HSP90AA1: variants seen among roughly 807,000 people sequenced by gnomAD.
HSP90AA1 encodes heat shock protein HSP 90-alpha.
Under a neutral mutation model 73.3 loss-of-function variants are expected in HSP90AA1, and 18 were observed. That is an observed-to-expected ratio of 0.25 (90% CI 0.17 to 0.36). The LOEUF is 0.36. Ranked by LOEUF, HSP90AA1 falls within the 10% of genes least tolerant of loss-of-function variation. HSP90AA1 has a pLI of 1.00. For synonymous variants in HSP90AA1, 477 were observed against 296.9 expected, an observed-to-expected ratio of 1.61 and a Z score of -6.24; for missense variants, 704 against 874.2, an observed-to-expected ratio of 0.81 and a Z score of 2.45.
intron 1 of HSP90AA1, among the ~76,000 whole-genome samples, chr14:102,118,638 G>A (rs915999817): frequency 6.6e-6 from 1 of 151,866 alleles, no homozygotes; most frequent in Non-Finnish European, 1.5e-5. Context: ...TTTACCTACA[G>A]ATTTTAAATA....
chr14:102,085,145 T>TA (rs917133030), intron 4 of HSP90AA1, 147 bp from the exon 5 acceptor site: 22 of 1,475,146 alleles, frequency 1.5e-5, no homozygotes, highest in Non-Finnish European at 2.1e-5. Flanking sequence ...TACATCCACT[T>TA]AATAGCCCGA....
At chr14:102,116,230 G>GC (rs2049705232) in intron 1 of HSP90AA1, among the ~76,000 whole-genome samples, 1 of 151,618 alleles carries the variant, frequency 6.6e-6, no homozygotes, top group Non-Finnish European at 1.5e-5. Flanking sequence ...TGGGATTAGA[G>GC]GCATGAGCCA....
At chr14:102,134,763 G>C (rs1175053554) in intron 1 of HSP90AA1, among the ~76,000 whole-genome samples, 1 of 152,158 alleles carries the variant, frequency 6.6e-6, no homozygotes. Flanking sequence ...CCCAAAGAGT[G>C]AGCAGTAGCA....
chr14:102,103,609 G>C (rs1270714017), intron 1 of HSP90AA1, among the ~76,000 whole-genome samples: 1 of 152,000 alleles, frequency 6.6e-6, no homozygotes, highest in Non-Finnish European at 1.5e-5. Context: ...TTCGAGACCA[G>C]TCTGGCCAAC....
At chr14:102,102,370 C>T (rs186388248) in intron 1 of HSP90AA1, among the ~76,000 whole-genome samples, 9 of 152,316 alleles carry the variant, frequency 5.9e-5, no homozygotes, top group Admixed American at 5.2e-4. Flanking sequence ...TGCTCTTGGA[C>T]TGGGCTAGAG....
Position 102,085,287 on chromosome 14 carries a change from T to TA in HSP90AA1, c.663+10dup. ...GACAGAAATTCACTCTGCAATTACA[T>TA]AAAAACTTACAAAAAGAGTAATGGG... On this transcript the variant is annotated intron_variant, in intron 4 of 10. Coordinates refer to ENST00000216281, the MANE Select transcript of HSP90AA1 (RefSeq NM_005348.4). The TA allele has an allele frequency of 6.2e-7, 1 of 1,609,902 alleles. No individual in the cohort carries two copies. The highest frequency in any genetic ancestry group is 8.5e-7 in the Non-Finnish European group (1 of 1,177,210).
upstream of HSP90AA1, among the ~76,000 whole-genome samples, chr14:102,090,472 CG>C (rs11331617): frequency 0.68 from 101,148 of 149,320 alleles, 36,635 homozygotes; most frequent in Non-Finnish European, 0.8. Flanking sequence ...TTTTTTGAGA[CG>C]GAGTCTTGCT....
In HSP90AA1 at chr14:102,083,587, G is replaced by A; in HGVS notation, c.1445C>T (p.Thr482Ile). 6.2e-7 allele frequency: 1 copy of A among 1,613,642 alleles called. No homozygotes were observed. Residue 482 changes from threonine to isoleucine, a missense_variant, in exon 8 of 11, where the codon ACC (threonine) becomes ATC (isoleucine). By Grantham distance (89) the Thr-to-Ile change is moderately conservative. Transcript: ENST00000216281. ...ATGTTTCTGGTTCTCCTTCATTCTG[G>A]TGCAGTAGTCCTTGAGAGAAACCAT... ...DEMVSLKDYCTRMKENQKHIY... is the reference protein window; with the variant it reads ...DEMVSLKDYCIRMKENQKHIY...
At position 102,081,678 on chromosome 14, in the gene HSP90AA1, G is replaced by T; in HGVS notation, c.*34C>A. 1 of 866,588 alleles carries T rather than the reference G, an allele frequency of 1.2e-6. No individual in the cohort carries two copies. The highest frequency in any genetic ancestry group is 2.0e-6 in the Non-Finnish European group (1 of 496,694). The allele number at this position is 866,588 out of a possible 1,614,324, so 53.7% of individuals were successfully genotyped here. A position where few individuals can be genotyped will look rare whatever the true frequency, so the allele number is the denominator to read the frequency against. Reference sequence around the variant, plus strand: ...AATATATTATCAGAGGAATTGTAGAGTACTGAACAGGTAAGTCATCCCTCA... The same window carrying T: ...AATATATTATCAGAGGAATTGTAGATTACTGAACAGGTAAGTCATCCCTCA... On this transcript the variant is annotated 3_prime_UTR_variant, in exon 11 of 11. Coordinates refer to ENST00000216281, the MANE Select transcript of HSP90AA1 (RefSeq NM_005348.4).
At chr14:102,101,866 T>A in intron 2 of HSP90AA1, 1 of 1,601,422 alleles carries the variant, frequency 6.2e-7, no homozygotes, top group South Asian at 1.1e-5. Context: ...TAAACCTTAG[T>A]CCACTTACCA....
chr14:102,091,856 G>A (rs973372677), upstream of HSP90AA1, among the ~76,000 whole-genome samples: 2 of 151,964 alleles, frequency 1.3e-5, no homozygotes, highest in Non-Finnish European at 1.5e-5. Context: ...TGAACTCCTG[G>A]ACTTAAGGAG....
intron 3 of HSP90AA1, 129 bp downstream of exon 3, chr14:102,085,629 G>T: frequency 7.1e-7 from 1 of 1,413,448 alleles, no homozygotes; most frequent in Non-Finnish European, 9.9e-7. Flanking sequence ...CTAATTAAGT[G>T]CTCTAGCTTG....
intron 1 of HSP90AA1, among the ~76,000 whole-genome samples, chr14:102,112,940 G>A (rs2049659833): frequency 6.6e-6 from 1 of 152,118 alleles, no homozygotes. Flanking sequence ...ATTAGCACTT[G>A]TTGTAAATTC....
intron 6 of HSP90AA1, 143 bp downstream of exon 6, chr14:102,084,256 G>A (rs182839622): frequency 9.1e-6 from 7 of 773,006 alleles, no homozygotes; most frequent in East Asian, 5.1e-5. Context: ...ATGTTGCCCA[G>A]GCTGGTCTTG....
chr14:102,084,075 A>G, intron 6 of HSP90AA1, 92 bp from the exon 7 acceptor site: 1 of 1,001,056 alleles, frequency 1.0e-6, no homozygotes, highest in South Asian at 1.3e-5. Flanking sequence ...CCTGAAGATG[A>G]TGGGACGTAT....
rs556695066 is a variant in HSP90AA1 at position 102,124,673 on chromosome 14, G to A, written c.155+14577C>T. ...CCTGCCTCAGCCTCCTGATTAGCTGGAATTACAGGTGTATACCACCATGCT... is the reference window on the plus strand; with the variant it reads ...CCTGCCTCAGCCTCCTGATTAGCTGAAATTACAGGTGTATACCACCATGCT... On this transcript the variant is annotated intron_variant, in intron 1 of 11. Transcript: ENST00000334701. 6.6e-5 allele frequency among the ~76,000 whole-genome samples: 10 copies of A among 152,234 alleles called. No individual in the cohort carries two copies. In the East Asian group the frequency reaches 1.9e-3, roughly 29 times the overall value.
chr14:102,082,973 A>T (rs1198979655), intron 9 of HSP90AA1, 61 bp downstream of exon 9: 12 of 1,523,364 alleles, frequency 7.9e-6, no homozygotes, highest in African/African-American at 1.4e-5. Context: ...TGGGCTATGT[A>T]TGACTAAGCT....
chr14:102,096,991 A>AT (rs370833486), intron 2 of HSP90AA1, among the ~76,000 whole-genome samples: 34 of 148,748 alleles, frequency 2.3e-4, no homozygotes, highest in South Asian at 6.4e-4. Context: ...GAAGAAAGCA[A>AT]TTTTTTTTTT....
intron 1 of HSP90AA1, among the ~76,000 whole-genome samples, chr14:102,134,090 G>A (rs1190998731): frequency 6.6e-6 from 1 of 151,382 alleles, no homozygotes; most frequent in Non-Finnish European, 1.5e-5. Flanking sequence ...GACAGAGGTT[G>A]CAGTGAGCCG....
Sources: gnomAD v4.1 joint callset for allele counts (sites outside exome capture counted in the v4.1 genomes callset) on GRCh38, gnomAD v4.1.1 for gene constraint, MANE v1.5 for transcripts, NCBI Gene and HGNC (gene_info 2026-07-23, HGNC 2026-07-21) for gene names.